GRM7: variants seen among roughly 807,000 people sequenced by gnomAD.
The protein encoded by GRM7 is metabotropic glutamate receptor 7.
In GRM7, 35 loss-of-function variants were observed where a neutral mutation model predicts 84.5. The observed-to-expected ratio is 0.41, with a 90% CI of 0.32 to 0.55. The LOEUF (loss-of-function observed/expected upper bound fraction) is 0.55, where lower values mean the gene tolerates loss of function less well. Ranked by LOEUF, GRM7 falls within the 20% of genes least tolerant of loss-of-function variation. GRM7 has a pLI of 0.19. For missense variants in GRM7, 1,003 were observed against 1,194.6 expected (o/e 0.84, Z 2.36); for synonymous variants, 487 against 455.1 (o/e 1.07, Z -0.89).
intron 8 of GRM7, among the ~76,000 whole-genome samples, chr3:7,665,591 C>T (rs74928007): frequency 0.047 from 7,224 of 152,250 alleles, 209 homozygotes; most frequent in Non-Finnish European, 0.065. Context: ...ATACTTAGAG[C>T]TGTTTGTTTT....
At chr3:6,994,239 A>G (rs1297290817) in intron 1 of GRM7, among the ~76,000 whole-genome samples, 1 of 152,128 alleles carries the variant, frequency 6.6e-6, no homozygotes, top group African/African-American at 2.4e-5. Context: ...CAATTATGTA[A>G]ATTACTATTT....
intron 8 of GRM7, among the ~76,000 whole-genome samples, chr3:7,615,628 A>G (rs989494284): frequency 7.9e-5 from 12 of 152,068 alleles, no homozygotes; most frequent in Non-Finnish European, 1.5e-4. Context: ...GTATATTTCT[A>G]TGTAGTCTTC....
intron 9 of GRM7, among the ~76,000 whole-genome samples, chr3:7,725,882 A>G (rs949644790): frequency 6.6e-6 from 1 of 151,990 alleles, no homozygotes; most frequent in African/African-American, 2.4e-5. Context: ...AGCTAAATAG[A>G]GATACTTTAT....
At chr3:7,427,126 A>C (rs1261333049) in intron 5 of GRM7, among the ~76,000 whole-genome samples, 1 of 152,226 alleles carries the variant, frequency 6.6e-6, no homozygotes, top group Admixed American at 6.5e-5. Flanking sequence ...AAGACACAAA[A>C]GGAAATTAGC....
In GRM7 at chr3:7,572,879, T is replaced by TATAA. The variant is rs1387026609; in HGVS notation, c.1516-5542_1516-5541insTAAA. On this transcript the variant is annotated intron_variant, in intron 7 of 9. Coordinates refer to ENST00000357716, the MANE Select transcript of GRM7 (RefSeq NM_000844.4). ...ATATATATATATATATATATATATA[T>TATAA]AAATAATCTTTCTACCTATAATAAT... Among the ~76,000 whole-genome samples the TATAA allele has an allele frequency of 9.5e-4, 63 of 66,148 alleles. 5 individuals carry two copies. Among genetic ancestry groups the TATAA allele is most frequent in the Non-Finnish European group, 1.7e-3 (49 of 29,614 alleles). The allele number at this position is 66,148 out of a possible 152,430, so 43.4% of individuals were successfully genotyped here. A position where few individuals can be genotyped will look rare whatever the true frequency, so the allele number is the denominator to read the frequency against.
At chr3:6,926,301 G>T (rs1301340317) in intron 1 of GRM7, among the ~76,000 whole-genome samples, 1 of 152,014 alleles carries the variant, frequency 6.6e-6, no homozygotes, top group Non-Finnish European at 1.5e-5. Flanking sequence ...GCATTCATTT[G>T]TGTCAACATC....
chr3:6,925,387 C>G (rs79711356), intron 1 of GRM7, among the ~76,000 whole-genome samples: 4,913 of 152,132 alleles, frequency 0.032, 274 homozygotes, highest in African/African-American at 0.11. Context: ...AAAAGAGTTA[C>G]CTGCTTTATA....
chr3:7,544,921 C>G (rs955372301), intron 7 of GRM7, among the ~76,000 whole-genome samples: 3 of 152,174 alleles, frequency 2.0e-5, no homozygotes, highest in Non-Finnish European at 4.4e-5. Context: ...TCAATTTTTG[C>G]CCCCTTAGGG....
At chr3:7,384,694 C>T (rs1368061159) in intron 4 of GRM7, among the ~76,000 whole-genome samples, 1 of 152,108 alleles carries the variant, frequency 6.6e-6, no homozygotes, top group Non-Finnish European at 1.5e-5. Flanking sequence ...GATCAAGACA[C>T]GTTTCAGTTG....
intron 1 of GRM7, among the ~76,000 whole-genome samples, chr3:7,128,335 G>A (rs532971005): frequency 4.5e-4 from 68 of 151,734 alleles, no homozygotes; most frequent in African/African-American, 1.5e-3. Flanking sequence ...CATGACTCAA[G>A]TTTGACTGCT....
At chr3:6,952,451 A>T (rs968078320) in intron 1 of GRM7, among the ~76,000 whole-genome samples, 3 of 152,076 alleles carry the variant, frequency 2.0e-5, no homozygotes, top group Non-Finnish European at 4.4e-5. Flanking sequence ...GTGCAGCTCT[A>T]TTATTTCTGG....
At chr3:7,036,009 C>G (rs978841512) in intron 1 of GRM7, among the ~76,000 whole-genome samples, 40 of 152,236 alleles carry the variant, frequency 2.6e-4, no homozygotes, top group African/African-American at 9.1e-4. Context: ...TTTTATTACT[C>G]CCACTTTGCC....
At chr3:7,134,849 C>G (rs950602174) in intron 1 of GRM7, among the ~76,000 whole-genome samples, 50 of 152,046 alleles carry the variant, frequency 3.3e-4, no homozygotes, top group Admixed American at 1.3e-4. Flanking sequence ...ATATAAAATA[C>G]CACATATAAC....
intron 1 of GRM7, among the ~76,000 whole-genome samples, chr3:6,983,327 A>T (rs2124837024): frequency 6.6e-6 from 1 of 152,270 alleles, no homozygotes; most frequent in South Asian, 2.1e-4. Flanking sequence ...TATGCAAGAA[A>T]AATTAGGCCT....
At chr3:7,056,658 A>G (rs1413789219) in intron 1 of GRM7, among the ~76,000 whole-genome samples, 2 of 151,948 alleles carry the variant, frequency 1.3e-5, no homozygotes, top group African/African-American at 2.4e-5. Flanking sequence ...TCTGAGATCT[A>G]TTTACCATCC....
chr3:7,475,691 A>G (rs1302948053), intron 7 of GRM7, among the ~76,000 whole-genome samples: 1 of 152,210 alleles, frequency 6.6e-6, no homozygotes, highest in Non-Finnish European at 1.5e-5. Flanking sequence ...TTTGCTTTAT[A>G]GTCATTACCT....
intron 9 of GRM7, among the ~76,000 whole-genome samples, chr3:7,689,685 A>G (rs956159925): frequency 1.3e-5 from 2 of 152,228 alleles, no homozygotes; most frequent in Non-Finnish European, 2.9e-5. Flanking sequence ...CATTCCTTGC[A>G]TAAAAGAAAT....
At chr3:6,936,283 G>T (rs73019738) in intron 1 of GRM7, among the ~76,000 whole-genome samples, 2,045 of 152,318 alleles carry the variant, frequency 0.013, 29 homozygotes, top group Non-Finnish European at 0.02. Flanking sequence ...CTGTAATAGA[G>T]TGTCTTTGGT....
chr3:7,677,102 A>C (rs908673221), intron 8 of GRM7, among the ~76,000 whole-genome samples: 1 of 151,888 alleles, frequency 6.6e-6, no homozygotes, highest in Admixed American at 6.6e-5. Context: ...TCTACTAAAA[A>C]TACAAAAAAA....
Sources: allele counts gnomAD v4.1 joint callset (sites outside exome capture counted in the v4.1 genomes callset), GRCh38; gene constraint gnomAD v4.1.1; transcripts MANE v1.5; gene names NCBI Gene and HGNC (gene_info 2026-07-23, HGNC 2026-07-21).